The following PLXNA2 variants were observed in gnomAD, a reference collection of about 807,000 sequenced individuals.
The protein encoded by PLXNA2 is plexin A2.
Under a neutral mutation model 193.5 loss-of-function variants are expected in PLXNA2, and 91 were observed. The ratio of observed to expected loss-of-function variants is 0.47; its 90% CI spans 0.40 to 0.56. The LOEUF is 0.56. Ranked by LOEUF, PLXNA2 falls within the 20% of genes least tolerant of loss-of-function variation. The pLI, the probability that PLXNA2 is intolerant of heterozygous loss-of-function variation, is 0.00. For missense variants in PLXNA2, 1,995 were observed against 2,503.2 expected (o/e 0.80, Z 4.33); for synonymous variants, 997 against 1,027.3 (o/e 0.97, Z 0.56).
intron 3 of PLXNA2, among the ~76,000 whole-genome samples, chr1:208,161,428 C>T (rs1669101853): frequency 1.3e-5 from 2 of 152,206 alleles, no homozygotes; most frequent in Admixed American, 1.3e-4. Flanking sequence ...CTCCCTCCAG[C>T]CTCTCTGGAG....
intron 3 of PLXNA2, among the ~76,000 whole-genome samples, chr1:208,186,794 A>G (rs1372600376): frequency 2.7e-5 from 4 of 148,446 alleles, no homozygotes; most frequent in African/African-American, 1.0e-4. Context: ...ATCTCGGCTC[A>G]CTGCAAGCTC....
At chr1:208,067,298 C>T (rs1340491496) in intron 12 of PLXNA2, among the ~76,000 whole-genome samples, 2 of 149,818 alleles carry the variant, frequency 1.3e-5, no homozygotes, top group Admixed American at 1.3e-4. Context: ...GAGCCGAGAT[C>T]GCACCATTGC....
Position 208,032,965 on chromosome 1 carries a change from G to A in PLXNA2, c.5055+354C>T, listed in dbSNP as rs1316328617. On this transcript the variant is annotated intron_variant, in intron 28 of 31. Transcript: ENST00000367033. The stretch of plus-strand genomic sequence containing the variant: ...GATATATTTGCTATTTTTGCCAAAG[G>A]GTAGAGAACAGCGGTGGCCTGATCC... 7.2e-5 allele frequency among the ~76,000 whole-genome samples: 11 copies of A among 151,968 alleles called. No individual in the cohort carries two copies. In the East Asian group the frequency reaches 2.1e-3, roughly 29 times the overall value.
intron 3 of PLXNA2, among the ~76,000 whole-genome samples, chr1:208,152,803 C>T (rs924629489): frequency 6.6e-6 from 1 of 151,638 alleles, no homozygotes; most frequent in East Asian, 1.9e-4. Flanking sequence ...ATGGCCTTCT[C>T]ACCATTTTCC....
chr1:208,060,656 T>C (rs776086708), intron 13 of PLXNA2, 30 bp downstream of exon 13: 2 of 1,589,262 alleles, frequency 1.3e-6, no homozygotes, highest in Non-Finnish European at 1.7e-6. Flanking sequence ...GAAGCTCCCA[T>C]GGGAAAAGGG....
chr1:208,112,666 C>T (rs950896306), intron 4 of PLXNA2, among the ~76,000 whole-genome samples: 37 of 152,112 alleles, frequency 2.4e-4, no homozygotes, highest in Non-Finnish European at 5.3e-4. Flanking sequence ...CTTGGAGCTA[C>T]GATTGTTTAT....
At chr1:208,063,717 G>T (rs1665691047) in intron 12 of PLXNA2, among the ~76,000 whole-genome samples, 1 of 152,144 alleles carries the variant, frequency 6.6e-6, no homozygotes, top group Non-Finnish European at 1.5e-5. Context: ...CAACTATCAT[G>T]CTCTGGGGCT....
intron 4 of PLXNA2, 45 bp from the exon 5 acceptor site, chr1:208,103,292 G>T: frequency 1.4e-6 from 2 of 1,440,914 alleles, no homozygotes; most frequent in Non-Finnish European, 9.7e-7. Flanking sequence ...AGGCTGTGAC[G>T]ACTAGCAGGT....
At chr1:208,177,438 A>G (rs1403247258) in intron 3 of PLXNA2, among the ~76,000 whole-genome samples, 1 of 152,208 alleles carries the variant, frequency 6.6e-6, no homozygotes, top group Non-Finnish European at 1.5e-5. Flanking sequence ...ATAATTACAG[A>G]TACCTCAGGA....
At chr1:208,084,693 C>T in intron 9 of PLXNA2, 113 bp from the exon 10 acceptor site, 4 of 945,344 alleles carry the variant, frequency 4.2e-6, no homozygotes, top group Non-Finnish European at 4.8e-6. Flanking sequence ...AGGATATTAC[C>T]TCATGTAAGG....
In PLXNA2 at chr1:208,045,136, A is replaced by C; in HGVS notation, c.3570T>G (p.Cys1190Trp). ...GCTGGGTCTCAGATACGGTGACAGCACAAGGGGTCTCTCCGATGAGCACAG... is the reference window on the plus strand; with the variant it reads ...GCTGGGTCTCAGATACGGTGACAGCCCAAGGGGTCTCTCCGATGAGCACAG... ...NYTVLIGETP[C>W]AVTVSETQLL... Residue 1190 changes from cysteine (C) to tryptophan (W), a missense_variant, in exon 19 of 32, where the codon TGT becomes TGG. This residue lies in a region of PLXNA2 where 1,291 missense variants were observed against 1,673.6 expected (regional missense o/e 0.77). Coordinates refer to ENST00000367033, the MANE Select transcript of PLXNA2 (RefSeq NM_025179.4). 5 of 1,614,192 alleles carry C rather than the reference A, an allele frequency of 3.1e-6. No individual in the cohort carries two copies. Among genetic ancestry groups the C allele is most frequent in the South Asian group, 1.1e-5 (1 of 91,082 alleles).
chr1:208,153,376 C>T (rs749389139), intron 3 of PLXNA2, among the ~76,000 whole-genome samples: 1 of 152,182 alleles, frequency 6.6e-6, no homozygotes, highest in Non-Finnish European at 1.5e-5. Context: ...AGGATCTGAA[C>T]TCTCTTGGGT....
intron 12 of PLXNA2, among the ~76,000 whole-genome samples, chr1:208,063,947 T>C (rs907304230): frequency 6.6e-6 from 1 of 152,054 alleles, no homozygotes; most frequent in Non-Finnish European, 1.5e-5. Flanking sequence ...CACTTCCCCA[T>C]GTATCTCCCT....
intron 3 of PLXNA2, among the ~76,000 whole-genome samples, chr1:208,193,783 T>C (rs1040006037): frequency 2.6e-5 from 4 of 152,062 alleles, no homozygotes; most frequent in Non-Finnish European, 2.9e-5. Flanking sequence ...ATCCCAGCAC[T>C]TTAGGAGGCC....
At chr1:208,175,160 C>CG (rs1338072465) in intron 3 of PLXNA2, among the ~76,000 whole-genome samples, 2 of 152,152 alleles carry the variant, frequency 1.3e-5, no homozygotes, top group Non-Finnish European at 2.9e-5. Context: ...ATGAGTGAAC[C>CG]GGAACACCTG....
intron 12 of PLXNA2, among the ~76,000 whole-genome samples, chr1:208,065,142 T>A (rs1427658222): frequency 6.6e-6 from 1 of 152,068 alleles, no homozygotes; most frequent in African/African-American, 2.4e-5. Flanking sequence ...GAGGTGAGGA[T>A]GAGAGGCTGC....
At chr1:208,161,378 G>C (rs146222634) in intron 3 of PLXNA2, among the ~76,000 whole-genome samples, 7 of 152,274 alleles carry the variant, frequency 4.6e-5, no homozygotes, top group African/African-American at 1.4e-4. Context: ...AGAAGAAAAG[G>C]CTTTATTTTA....
rs1240619421 is a variant in PLXNA2, at chr1:208,217,448, G to A, written c.475C>T (p.Leu159=). ...VEPSHKKEHY[L]SSVNKTGTMY... ...GTGCCCGTCTTGTTGACACTGGACA[G>A]GTAGTGCTCCTTCTTGTGGGATGGC... Residue 159 remains leucine (L), a synonymous_variant, in exon 2 of 32, where the codon CTG becomes TTG. Transcript: ENST00000367033. The surrounding 1 kb of genome is among the most constrained non-coding windows in gnomAD (Gnocchi z 4.7). 2 of 1,614,206 alleles carry A rather than the reference G, an allele frequency of 1.2e-6. No individual in the cohort carries two copies. The highest frequency in any genetic ancestry group is 2.2e-5 in the East Asian group (1 of 44,874).
At chr1:208,231,298 G>A (rs1174375974) in intron 1 of PLXNA2, among the ~76,000 whole-genome samples, 1 of 152,100 alleles carries the variant, frequency 6.6e-6, no homozygotes, top group Non-Finnish European at 1.5e-5. Flanking sequence ...AATGGGGTGT[G>A]AGAGAGAAGC....
Sources: gnomAD v4.1 joint callset for allele counts (sites outside exome capture counted in the v4.1 genomes callset) on GRCh38, gnomAD v4.1.1 for gene constraint, gnomAD v4.1.1 regional missense constraint, Gnocchi (gnomAD v3.1) non-coding constraint, MANE v1.5 for transcripts, NCBI Gene and HGNC (gene_info 2026-07-23, HGNC 2026-07-21) for gene names.